DLG2: variants seen among roughly 807,000 people sequenced by gnomAD.
DLG2 encodes discs large MAGUK scaffold protein 2.
Under a neutral mutation model 132.5 loss-of-function variants are expected in DLG2, and 45 were observed. The observed-to-expected ratio is 0.34, with a 90% confidence interval of 0.27 to 0.44. The LOEUF (loss-of-function observed/expected upper bound fraction) is 0.44. Ranked by LOEUF, DLG2 falls within the 20% of genes least tolerant of loss-of-function variation. The probability of loss-of-function intolerance (pLI) is 1.00; values close to 1 mark genes in which losing one functional copy is unlikely to be tolerated. For synonymous variants in DLG2, 424 were observed against 419.6 expected, an observed-to-expected ratio of 1.01 and a Z score of -0.13; for missense variants, 1,045 against 1,196.9, an observed-to-expected ratio of 0.87 and a Z score of 1.87.
At chr11:84,847,859 T>C (rs1454620460) in intron 6 of DLG2, among the ~76,000 whole-genome samples, 2 of 152,072 alleles carry the variant, frequency 1.3e-5, no homozygotes, top group African/African-American at 2.4e-5. Flanking sequence ...TCTCATAAAG[T>C]ACATTAAGAT....
intron 6 of DLG2, among the ~76,000 whole-genome samples, chr11:84,777,537 T>C (rs930613902): frequency 4.0e-5 from 6 of 151,614 alleles, no homozygotes; most frequent in Admixed American, 3.3e-4. Flanking sequence ...CTGTTTTCCA[T>C]AGAGGTTGGA....
At chr11:84,866,167 T>G (rs544869899) in intron 6 of DLG2, among the ~76,000 whole-genome samples, 1 of 151,586 alleles carries the variant, frequency 6.6e-6, no homozygotes, top group Non-Finnish European at 1.5e-5. Context: ...ATCTATTCTG[T>G]GCTCCTTCTG....
intron 6 of DLG2, among the ~76,000 whole-genome samples, chr11:84,613,850 C>T (rs2099599587): frequency 6.6e-6 from 1 of 152,136 alleles, no homozygotes; most frequent in South Asian, 2.1e-4. Context: ...GAACTCACAT[C>T]AGAAAGTACA....
At chr11:85,155,831 C>T (rs1247011450) in intron 4 of DLG2, among the ~76,000 whole-genome samples, 1 of 151,170 alleles carries the variant, frequency 6.6e-6, no homozygotes, top group Admixed American at 6.6e-5. Flanking sequence ...TGTGCTCCAG[C>T]CTGGGTGACT....
chr11:84,388,796 T>C (rs1324861412), intron 7 of DLG2, among the ~76,000 whole-genome samples: 1 of 152,098 alleles, frequency 6.6e-6, no homozygotes, highest in Admixed American at 6.6e-5. Flanking sequence ...TTATCTCTGC[T>C]ACTAAAGAAA....
At chr11:84,547,335 A>G (rs1020445325) in intron 6 of DLG2, among the ~76,000 whole-genome samples, 7 of 152,192 alleles carry the variant, frequency 4.6e-5, no homozygotes, top group African/African-American at 1.7e-4. Context: ...ACTCCATAAC[A>G]CATAGACAGT....
intron 6 of DLG2, among the ~76,000 whole-genome samples, chr11:85,022,159 C>G (rs940548003): frequency 6.6e-6 from 1 of 151,614 alleles, no homozygotes; most frequent in African/African-American, 2.4e-5. Context: ...ACTTAAGGCA[C>G]TATGGTTATT....
chr11:84,307,426 C>T (rs956240980), intron 7 of DLG2, among the ~76,000 whole-genome samples: 1 of 152,146 alleles, frequency 6.6e-6, no homozygotes, highest in Non-Finnish European at 1.5e-5. Flanking sequence ...CTGGTGTGTT[C>T]TTGGTCTCAC....
intron 3 of DLG2, among the ~76,000 whole-genome samples, chr11:85,370,219 C>T (rs560712169): frequency 7.9e-5 from 12 of 152,040 alleles, no homozygotes; most frequent in South Asian, 2.1e-4. Flanking sequence ...GTTAAAAATG[C>T]CTAGGAGTTA....
At chr11:85,395,086 G>A (rs2087180155) in intron 3 of DLG2, among the ~76,000 whole-genome samples, 1 of 152,148 alleles carries the variant, frequency 6.6e-6, no homozygotes, top group Non-Finnish European at 1.5e-5. Flanking sequence ...TGACAAACTG[G>A]ATTTGTCTGC....
chr11:83,860,231 T>A (rs1036126329), intron 16 of DLG2, among the ~76,000 whole-genome samples: 1 of 152,142 alleles, frequency 6.6e-6, no homozygotes. Context: ...GACCCCAGAA[T>A]GATAGATCCA....
At chr11:83,771,292 C>T (rs1250129024) in intron 18 of DLG2, among the ~76,000 whole-genome samples, 1 of 152,194 alleles carries the variant, frequency 6.6e-6, no homozygotes, top group African/African-American at 2.4e-5. Context: ...CCCTACTACT[C>T]CTTCTTTTGC....
chr11:84,869,920 C>A (rs183259779), intron 6 of DLG2, among the ~76,000 whole-genome samples: 1 of 152,144 alleles, frequency 6.6e-6, no homozygotes, highest in Non-Finnish European at 1.5e-5. Context: ...TATTCCCTTC[C>A]GTTTGGCAGA....
chr11:83,476,936 AG>A lies in DLG2; in HGVS notation c.2294-4160del, dbSNP rs1356271116. 7.9e-5 allele frequency among the ~76,000 whole-genome samples: 12 copies of A among 152,254 alleles called. No individual in the cohort carries two copies. The East Asian group carries it at 2.1e-3, about 27-fold the overall frequency. ...AGGAGTAAAGACATCTAAGGGCAAT[AG>A]TTGAGAATAATAGAGTAAGGTGAAG... On this transcript the variant is annotated intron_variant, in intron 22 of 27. Transcript: ENST00000376104.
intron 6 of DLG2, among the ~76,000 whole-genome samples, chr11:84,866,558 TATTTGAGCCTGG>T (rs2084602376): frequency 6.6e-6 from 1 of 151,264 alleles, no homozygotes; most frequent in East Asian, 2.1e-4. Flanking sequence ...ACTTACTGGC[TATTTGAGCCTGG>T]CTATTTGAGC....
chr11:85,188,032 C>T (rs1194785531), intron 4 of DLG2, among the ~76,000 whole-genome samples: 4 of 152,158 alleles, frequency 2.6e-5, no homozygotes. Flanking sequence ...TTAGAGAAGG[C>T]CTTAGTCTCT....
At chr11:84,707,968 G>A (rs2059955062) in intron 6 of DLG2, among the ~76,000 whole-genome samples, 1 of 151,776 alleles carries the variant, frequency 6.6e-6, no homozygotes. Context: ...CTTTCCCTGG[G>A]CTCAGAGTCA....
intron 6 of DLG2, among the ~76,000 whole-genome samples, chr11:84,952,900 G>A (rs1393969219): frequency 6.6e-6 from 1 of 152,108 alleles, no homozygotes; most frequent in Non-Finnish European, 1.5e-5. Flanking sequence ...AGTCTCCAAG[G>A]TTTTCCGTGA....
chr11:83,923,928 T>G (rs1314311547), intron 15 of DLG2, among the ~76,000 whole-genome samples: 1 of 152,066 alleles, frequency 6.6e-6, no homozygotes, highest in Non-Finnish European at 1.5e-5. Flanking sequence ...AATCCTCAGC[T>G]TGGTAAGTAA....
Sources: gnomAD v4.1 joint callset for allele counts (sites outside exome capture counted in the v4.1 genomes callset) on GRCh38, gnomAD v4.1.1 for gene constraint, MANE v1.5 for transcripts, NCBI Gene and HGNC (gene_info 2026-07-23, HGNC 2026-07-21) for gene names.